SLC8A1: variants seen among roughly 807,000 people sequenced by gnomAD.
The protein encoded by SLC8A1 is sodium/calcium exchanger 1.
In SLC8A1, 18 loss-of-function variants were observed where a neutral mutation model predicts 68.3. That is an observed-to-expected ratio of 0.26 (90% CI 0.18 to 0.39). The LOEUF is 0.39. Among genes scored for constraint, SLC8A1 ranks in the 10% least tolerant of loss-of-function variants. The probability of loss-of-function intolerance (pLI) is 1.00; values close to 1 mark genes in which losing one functional copy is unlikely to be tolerated. For synonymous variants in SLC8A1, 475 were observed against 415.5 expected, an observed-to-expected ratio of 1.14 and a Z score of -1.74; for missense variants, 985 against 1,156.7, an observed-to-expected ratio of 0.85 and a Z score of 2.15.
intron 2 of SLC8A1, among the ~76,000 whole-genome samples, chr2:40,192,100 T>C (rs2051982148): frequency 1.3e-5 from 2 of 152,102 alleles, no homozygotes. Context: ...ATAATTTATA[T>C]AAGAGATTTT....
chr2:40,493,150 G>C (rs1403220128), intron 1 of SLC8A1, among the ~76,000 whole-genome samples: 1 of 152,072 alleles, frequency 6.6e-6, no homozygotes, highest in East Asian at 1.9e-4. Context: ...AAACACCATG[G>C]AATACTATGC....
intron 6 of SLC8A1, among the ~76,000 whole-genome samples, chr2:40,160,210 C>T (rs977283030): frequency 6.6e-5 from 10 of 152,164 alleles, no homozygotes; most frequent in African/African-American, 2.2e-4. Flanking sequence ...GTTTGAAAAA[C>T]ACTTCATTTT....
Position 40,388,371 on chromosome 2 carries a change from C to T in SLC8A1, c.1808+40102G>A, listed in dbSNP as rs530305245. ...TGACAGCACGCTTCCTAGAAGATGA[C>T]GTTCATCTGAGCAGTATCTTACTTT... On this transcript the variant is annotated intron_variant, in intron 2 of 7. Coordinates refer to ENST00000406785, the Ensembl canonical transcript of SLC8A1. Among the ~76,000 whole-genome samples the T allele has an allele frequency of 7.2e-5, 11 of 152,184 alleles. No homozygotes were observed. The East Asian group carries it at 1.6e-3, about 21-fold the overall frequency.
intron 1 of SLC8A1, among the ~76,000 whole-genome samples, chr2:40,449,574 C>G (rs1702063111): frequency 6.6e-6 from 1 of 152,152 alleles, no homozygotes. Context: ...TATTGGGAGT[C>G]AAAGCACTGT....
intron 1 of SLC8A1, among the ~76,000 whole-genome samples, chr2:40,449,172 AAAC>A (rs1274989098): frequency 2.5e-4 from 35 of 138,626 alleles, no homozygotes; most frequent in African/African-American, 7.4e-4. Flanking sequence ...AAAAAACAAA[AAAC>A]AACAACAAAA....
At chr2:40,220,896 CAA>C (rs1348393317) in intron 2 of SLC8A1, among the ~76,000 whole-genome samples, 1 of 150,940 alleles carries the variant, frequency 6.6e-6, no homozygotes, top group South Asian at 2.1e-4. Context: ...TCCTATCAAC[CAA>C]AAAAAAGCTC....
chr2:40,139,700 A>G (rs377637203), intron 6 of SLC8A1, 24 bp from the exon 10 acceptor site: 7 of 1,603,632 alleles, frequency 4.4e-6, no homozygotes, highest in African/African-American at 2.7e-5. Flanking sequence ...AAGGAAGCAC[A>G]TTTCATCACA....
At chr2:40,160,561 AATGTC>A in intron 6 of SLC8A1, among the ~76,000 whole-genome samples, 199 bp downstream of exon 9, 1 of 152,290 alleles carries the variant, frequency 6.6e-6, no homozygotes, top group African/African-American at 2.4e-5. Context: ...GATGGAGGAA[AATGTC>A]ATGTGTGAAG....
chr2:40,394,764 T>C (rs1245548741), intron 2 of SLC8A1, among the ~76,000 whole-genome samples: 2 of 152,050 alleles, frequency 1.3e-5, no homozygotes, highest in Non-Finnish European at 2.9e-5. Flanking sequence ...AAAAAATTAG[T>C]TCCCATTCCT....
intron 4 of SLC8A1, 30 bp from the exon 6 acceptor site, chr2:40,174,750 T>A (rs748365362): frequency 1.2e-5 from 18 of 1,561,422 alleles, no homozygotes; most frequent in African/African-American, 5.5e-5. Flanking sequence ...AAATGAGAAA[T>A]TTTTTTTAAT....
chr2:40,229,299 T>TA (rs1218397613), intron 2 of SLC8A1, among the ~76,000 whole-genome samples: 3 of 151,752 alleles, frequency 2.0e-5, no homozygotes, highest in Non-Finnish European at 4.4e-5. Flanking sequence ...TGATAAAAAA[T>TA]AAAAAAATGA....
intron 7 of SLC8A1, among the ~76,000 whole-genome samples, chr2:40,121,495 G>T (rs1247500249): frequency 6.6e-6 from 1 of 152,092 alleles, no homozygotes; most frequent in Non-Finnish European, 1.5e-5. Flanking sequence ...CTGCTTAATT[G>T]TAGCTTCTTC....
chr2:40,460,661 C>G (rs1576612323), intron 1 of SLC8A1, among the ~76,000 whole-genome samples: 1 of 151,850 alleles, frequency 6.6e-6, no homozygotes, highest in Non-Finnish European at 1.5e-5. Flanking sequence ...ACCTCCGCCT[C>G]CTGGGTTCAA....
At chr2:40,211,400 C>G (rs948893155) in intron 2 of SLC8A1, among the ~76,000 whole-genome samples, 1 of 152,086 alleles carries the variant, frequency 6.6e-6, no homozygotes, top group Non-Finnish European at 1.5e-5. Context: ...AAATGTAGAC[C>G]TGAAGTTTAC....
intron 2 of SLC8A1, among the ~76,000 whole-genome samples, chr2:40,425,010 C>T (rs1257096763): frequency 6.6e-6 from 1 of 151,706 alleles, no homozygotes; most frequent in African/African-American, 2.4e-5. Context: ...TACCAAACCA[C>T]AAATCAAATT....
At chr2:40,193,830 T>G (rs1390727910) in intron 2 of SLC8A1, among the ~76,000 whole-genome samples, 3 of 152,118 alleles carry the variant, frequency 2.0e-5, no homozygotes, top group Admixed American at 6.6e-5. Context: ...CCTGCCTGAA[T>G]AATTAGCCAG....
intron 2 of SLC8A1, among the ~76,000 whole-genome samples, chr2:40,390,235 G>A (rs548802419): frequency 2.0e-5 from 3 of 152,102 alleles, no homozygotes; most frequent in East Asian, 3.9e-4. Context: ...ACTCTTCACC[G>A]ACATTCCTTA....
intron 2 of SLC8A1, among the ~76,000 whole-genome samples, chr2:40,347,532 G>T (rs13017968): frequency 0.25 from 37,360 of 152,084 alleles, 6,024 homozygotes; most frequent in East Asian, 0.62. Flanking sequence ...CTGACTCTCA[G>T]TTCCCATATA....
At chr2:40,458,255 A>G (rs1050851392) in intron 1 of SLC8A1, among the ~76,000 whole-genome samples, 3 of 152,154 alleles carry the variant, frequency 2.0e-5, no homozygotes, top group Non-Finnish European at 4.4e-5. Context: ...AGGACTTACA[A>G]ACGTTTAAGT....
Sources: allele counts gnomAD v4.1 joint callset (sites outside exome capture counted in the v4.1 genomes callset), GRCh38; gene constraint gnomAD v4.1.1; transcripts MANE v1.5; gene names NCBI Gene and HGNC (gene_info 2026-07-23, HGNC 2026-07-21).